GNL3L: variants seen among roughly 807,000 people sequenced by gnomAD.
GNL3L encodes guanine nucleotide-binding protein-like 3-like protein.
Under a neutral mutation model 42.9 loss-of-function variants are expected in GNL3L, and 4 were observed. The ratio of observed to expected loss-of-function variants is 0.09; its 90% CI spans 0.05 to 0.21. GNL3L has a LOEUF of 0.21. Among genes scored for constraint, GNL3L ranks in the 10% least tolerant of loss-of-function variants. The pLI, the probability that GNL3L is intolerant of heterozygous loss-of-function variation, is 1.00. For missense variants in GNL3L, 412 were observed against 481.7 expected, an observed-to-expected ratio of 0.86 and a Z score of 1.36; for synonymous variants, 159 against 176.3, an observed-to-expected ratio of 0.90 and a Z score of 0.78.
At position 54,560,736 on chromosome X, in the gene GNL3L, C is replaced by T. The variant is rs1925238600; in HGVS notation, c.*134C>T. 5 of 485,844 alleles carry T rather than the reference C, an allele frequency of 1.0e-5. No individual in the cohort carries two copies. Among genetic ancestry groups the T allele is most frequent in the Admixed American group, 2.8e-5 (1 of 35,473 alleles). 40.0% of individuals were successfully genotyped at this position (485,844 alleles called of 1,213,427 possible). On this transcript the variant is annotated 3_prime_UTR_variant, in exon 16 of 16. Transcript: ENST00000360845. ...CTTTCCCCACTGTGTGTCTTCTCCCCCTCCTCCAGTAAAAACAGTCCCGGC... is the reference window on the plus strand; with the variant it reads ...CTTTCCCCACTGTGTGTCTTCTCCCTCTCCTCCAGTAAAAACAGTCCCGGC...
exon 17 of GNL3L, among the ~76,000 whole-genome samples, chrX:54,621,403 C>G (rs1046000109): frequency 9.0e-6 from 1 of 111,604 alleles, no homozygotes; most frequent in Non-Finnish European, 1.9e-5. Flanking sequence ...TTTGAGTGAG[C>G]CTTCTTGGAC....
downstream of GNL3L, among the ~76,000 whole-genome samples, chrX:54,622,459 A>G (rs1297458322): frequency 9.4e-6 from 1 of 106,335 alleles, no homozygotes; most frequent in Admixed American, 1.0e-4. Context: ...TAATTTTTGT[A>G]TTTTTAGTAG....
At chrX:54,597,626 G>C (rs1379201327) in intron 16 of GNL3L, among the ~76,000 whole-genome samples, 1 of 111,081 alleles carries the variant, frequency 9.0e-6, no homozygotes, top group African/African-American at 3.3e-5. Flanking sequence ...ACTTGCCTAG[G>C]TGTTGCAGTC....
chrX:54,550,961 A>T lies in GNL3L; in HGVS notation c.776-2A>T. On this transcript the variant is annotated splice_acceptor_variant, in intron 9 of 15. Coordinates refer to ENST00000360845, the MANE Select transcript of GNL3L (RefSeq NM_001184819.2). LOFTEE classifies it high-confidence loss of function. ...CCTGAGCCATCTGCTGCTATTTTGT[A>T]GGTCTTCCCAATGTTGGGAAGAGCA... is the stretch of plus-strand genomic sequence containing the variant. The T allele has an allele frequency of 9.6e-7, 1 of 1,045,067 alleles. No individual in the cohort carries two copies. Among genetic ancestry groups the T allele is most frequent in the Non-Finnish European group, 1.3e-6 (1 of 743,967 alleles). The allele number at this position is 1,045,067 out of a possible 1,213,427, so 86.1% of individuals were successfully genotyped here.
intron 14 of GNL3L, among the ~76,000 whole-genome samples, chrX:54,555,499 CT>C (rs1318141199): frequency 1.8e-5 from 2 of 109,490 alleles, no homozygotes; most frequent in Non-Finnish European, 3.8e-5. Context: ...GAGATGGAAA[CT>C]CGCTCTGCCA....
intron 15 of GNL3L, among the ~76,000 whole-genome samples, chrX:54,560,136 G>A (rs781423346): frequency 3.6e-5 from 4 of 111,293 alleles, no homozygotes; most frequent in South Asian, 7.6e-4. Flanking sequence ...CGTGGTGAAC[G>A]TTCAGGCTTA....
chrX:54,541,508 G>A lies in GNL3L; in HGVS notation c.306+119G>A, dbSNP rs1924617064. 21 of 306,591 alleles carry A rather than the reference G, an allele frequency of 6.8e-5. No homozygotes were observed. The South Asian group carries it at 7.6e-4, about 11-fold the overall frequency. The allele number at this position is 306,591 out of a possible 1,213,427, so 25.3% of individuals were successfully genotyped here. On this transcript the variant is annotated intron_variant, in intron 5 of 15. Coordinates refer to ENST00000360845, the MANE Select transcript of GNL3L (RefSeq NM_001184819.2). ...GGAACAAGGGAATCAGTGTAGAGAG[G>A]ATAGAAAACCATGGGGACGGACGAA...
chrX:54,581,103 A>C (rs1305433170), intron 16 of GNL3L, among the ~76,000 whole-genome samples: 1 of 112,181 alleles, frequency 8.9e-6, no homozygotes, highest in African/African-American at 3.2e-5. Context: ...TTTTAGATGC[A>C]GTTGTACAAA....
chrX:54,636,466 C>A, the GNL3L span, among the ~76,000 whole-genome samples: 1 of 111,513 alleles, frequency 9.0e-6, no homozygotes, highest in African/African-American at 3.3e-5. Flanking sequence ...TACAAATGAT[C>A]CCATCACCCA....
intron 2 of GNL3L, among the ~76,000 whole-genome samples, chrX:54,534,799 C>T (rs1047160026): frequency 9.0e-6 from 1 of 110,591 alleles, no homozygotes; most frequent in Non-Finnish European, 1.9e-5. Context: ...CTTTTTCCCT[C>T]CCCCCTTCTC....
intron 16 of GNL3L, among the ~76,000 whole-genome samples, chrX:54,600,322 G>C (rs1288503746): frequency 9.9e-6 from 1 of 100,534 alleles, no homozygotes; most frequent in Admixed American, 1.2e-4. Context: ...TGCATCCCGG[G>C]TTCAAGTGAT....
chrX:54,588,765 C>T lies in GNL3L; in HGVS notation c.*45+28118C>T, dbSNP rs923807130. 1.1e-4 allele frequency among the ~76,000 whole-genome samples: 12 copies of T among 111,177 alleles called. No homozygotes were observed. The South Asian group carries it at 2.6e-3, about 24-fold the overall frequency. On this transcript the variant is annotated intron_variant, in intron 16 of 16. Transcript: ENST00000674498. ...ATTTGAACCCGGAAGGTGGAGGTTG[C>T]GGCGAGCCAAGATCGCGCTACGGCT...
rs1926077933 is a variant in GNL3L at position 54,607,016 on chromosome X, CTTTCTTTCTT to C, written c.*46-13827_*46-13818del. On this transcript the variant is annotated intron_variant, in intron 16 of 16. Coordinates refer to the GNL3L transcript ENST00000674498. The stretch of plus-strand genomic sequence containing the variant: ...CTTTCCTTTCTTTCTTTCTTTCTTT[CTTTCTTTCTT>C]TCTTTCTTTCTTTCTTTCTTTCTTT... 1.3e-4 allele frequency among the ~76,000 whole-genome samples: 7 copies of C among 54,574 alleles called. 1 individual carries two copies. The highest frequency in any genetic ancestry group is 1.1e-3 in the East Asian group (2 of 1,882). 47.4% of individuals were successfully genotyped at this position (54,574 alleles called of 115,157 possible).
chrX:54,633,442 G>A, the GNL3L span, among the ~76,000 whole-genome samples: 2 of 111,388 alleles, frequency 1.8e-5, no homozygotes, highest in African/African-American at 3.3e-5. Context: ...TTTCTCAGGT[G>A]ATGGGCAGGG....
In GNL3L at chrX:54,551,542, C is replaced by G. The variant is rs756216720; in HGVS notation, c.864-26C>G. The G allele has an allele frequency of 6.7e-6, 8 of 1,195,226 alleles. No individual in the cohort carries two copies. In the Admixed American group the frequency reaches 1.7e-4, roughly 26 times the overall value. ...GGGGCCTCTACGATGCCAGGTACAT[C>G]TGGGCTTTCTTCTTCCCCGCCCCAG... is the stretch of plus-strand genomic sequence containing the variant. On this transcript the variant is annotated intron_variant, in intron 10 of 15. Transcript: ENST00000360845.
chrX:54,541,464 GGT>G, intron 5 of GNL3L, 75 bp downstream of exon 5: 1 of 623,559 alleles, frequency 1.6e-6, no homozygotes, highest in Non-Finnish European at 2.7e-6. Context: ...AAGGGAAGAA[GGT>G]GTGAAGTTGT....
intron 16 of GNL3L, among the ~76,000 whole-genome samples, chrX:54,582,940 G>A (rs1346260908): frequency 1.8e-5 from 2 of 111,890 alleles, no homozygotes; most frequent in Admixed American, 1.9e-4. Context: ...GTATTTATCT[G>A]TCACCTGTAT....
the GNL3L span, among the ~76,000 whole-genome samples, chrX:54,635,527 G>A: frequency 1.8e-5 from 2 of 111,234 alleles, no homozygotes; most frequent in Non-Finnish European, 3.8e-5. Context: ...ATCATAAAAT[G>A]TTAAGGGGGT....
At chrX:54,609,149 ATCT>A (rs374088516) in intron 16 of GNL3L, among the ~76,000 whole-genome samples, 1 of 112,007 alleles carries the variant, frequency 8.9e-6, no homozygotes, top group African/African-American at 3.2e-5. Flanking sequence ...CCGTTTGTAT[ATCT>A]TCTTTTGAGA....
Sources: allele counts gnomAD v4.1 joint callset (sites outside exome capture counted in the v4.1 genomes callset), GRCh38; gene constraint gnomAD v4.1.1; transcripts MANE v1.5; gene names NCBI Gene and HGNC (gene_info 2026-07-23, HGNC 2026-07-21).